PIGQ: variants seen among roughly 807,000 people sequenced by gnomAD.
PIGQ encodes the protein phosphatidylinositol N-acetylglucosaminyltransferase subunit Q.
A neutral mutation model predicts 60.3 loss-of-function variants in PIGQ; 54 were observed. The observed-to-expected ratio is 0.90, with a 90% CI of 0.72 to 1.12. The LOEUF (loss-of-function observed/expected upper bound fraction) is 1.12, where lower values mean the gene tolerates loss of function less well. PIGQ is among the 50% of genes most tolerant of loss of function. The probability of loss-of-function intolerance (pLI) is 0.00; values close to 1 mark genes in which losing one functional copy is unlikely to be tolerated. For missense variants in PIGQ, 799 were observed against 793.5 expected (o/e 1.01, Z -0.08); for synonymous variants, 416 against 363.7 (o/e 1.14, Z -1.64).
rs993452974 is a variant in PIGQ, at chr16:583,981, A to G, written c.*946A>G. The G allele has an allele frequency of 5.1e-6, 2 of 394,166 alleles. No individual in the cohort carries two copies. The highest frequency in any genetic ancestry group is 2.1e-5 in the South Asian group (1 of 47,236). The allele number at this position is 394,166 out of a possible 1,614,324, so 24.4% of individuals were successfully genotyped here. A position where few individuals can be genotyped will look rare whatever the true frequency, so the allele number is the denominator to read the frequency against. On this transcript the variant is annotated 3_prime_UTR_variant, in exon 11 of 11. Coordinates refer to ENST00000321878, the MANE Select transcript of PIGQ (RefSeq NM_004204.5). The stretch of plus-strand genomic sequence containing the variant: ...CCTGCAGGTGCCGGCTGGTGAGGGG[A>G]TGACGCGCTGTGGGTGGGAGGAGGC...
At chr16:577,542 A>G (rs2035740771) in intron 4 of PIGQ, among the ~76,000 whole-genome samples, 1 of 147,976 alleles carries the variant, frequency 6.8e-6, no homozygotes. Flanking sequence ...TCACCACTGC[A>G]CTCCAGCCTG....
In PIGQ at chr16:576,137, G is replaced by C. The variant is rs1214102047; in HGVS notation, c.825G>C (p.Lys275Asn). The change falls in exon 4 of 11, where the codon AAG becomes AAC. Residue 275 changes from lysine (K) to asparagine (N), a missense_variant. Coordinates refer to ENST00000321878, the MANE Select transcript of PIGQ (RefSeq NM_004204.5). ...CCGGGCCGGACCTCCCTTCCAGGAA[G>C]GCCAACACGGTGGCCTCTGTGCTGC... ...KAENPAQLMR[K>N]ANTVASVLLD... 6.5e-7 allele frequency: 1 copy of C among 1,548,300 alleles called. No individual in the cohort carries two copies. The highest frequency in any genetic ancestry group is 2.0e-5 in the Admixed American group (1 of 50,998).
chr16:574,890 G>A, intron 2 of PIGQ, 127 bp downstream of exon 2: 1 of 733,894 alleles, frequency 1.4e-6, no homozygotes, highest in East Asian at 2.7e-5. Context: ...TCCCACTCCT[G>A]CAGCCCGGGC....
rs560660423 is a variant in PIGQ, at chr16:573,921, C to T, written c.-9-145C>T. 164 of 615,052 alleles carry T rather than the reference C, an allele frequency of 2.7e-4. No homozygotes were observed. In the African/African-American group the frequency reaches 2.7e-3, roughly 10 times the overall value. 38.1% of individuals were successfully genotyped at this position (615,052 alleles called of 1,614,324 possible). A position where few individuals can be genotyped will look rare whatever the true frequency, so the allele number is the denominator to read the frequency against. On this transcript the variant is annotated intron_variant, in intron 1 of 10. Transcript: ENST00000321878. ...GCGAGGCGGCAGCCAAGGAGCCCTA[C>T]GGCGTCCACCACCGAACTTGAAGCT...
Position 576,269 on chromosome 16 carries a change from G to T in PIGQ, c.942+15G>T, listed in dbSNP as rs1421532572. 4 of 1,552,376 alleles carry T rather than the reference G, an allele frequency of 2.6e-6. No individual in the cohort carries two copies. Among genetic ancestry groups the T allele is most frequent in the Non-Finnish European group, 2.6e-6 (3 of 1,148,782 alleles). On this transcript the variant is annotated intron_variant, in intron 4 of 10. Coordinates refer to ENST00000321878, the MANE Select transcript of PIGQ (RefSeq NM_004204.5). ...CTGTGGCTGACGTGAGTGGACTGGG[G>T]TGGAGCCCGGTGTCCCGGGTGGGCG...
At chr16:580,485 G>A (rs2035793665) in intron 8 of PIGQ, 2 of 553,148 alleles carry the variant, frequency 3.6e-6, no homozygotes, top group South Asian at 2.5e-5. Flanking sequence ...GCAGCTGGGT[G>A]CGTGGTGGAA....
chr16:577,399 AAT>A (rs1290948417), intron 4 of PIGQ, among the ~76,000 whole-genome samples: 55 of 151,820 alleles, frequency 3.6e-4, no homozygotes, highest in South Asian at 4.2e-4. Context: ...AACACAGTGA[AAT>A]CCCGTCTCTA....
chr16:576,249 G>C lies in PIGQ; in HGVS notation c.937G>C (p.Ala313Pro), dbSNP rs775325126. The change falls in exon 4 of 11, where the codon GCT becomes CCT. Residue 313 changes from alanine to proline, a missense_variant. Coordinates refer to ENST00000321878, the MANE Select transcript of PIGQ (RefSeq NM_004204.5). Reference sequence around the variant, plus strand: ...TCTGGCCGACGCCCTCGTTCCTGTGGCTGACGTGAGTGGACTGGGGTGGAG... The same window carrying C: ...TCTGGCCGACGCCCTCGTTCCTGTGCCTGACGTGAGTGGACTGGGGTGGAG... ...GHLADALVPV[A>P]DHVAEELQHL... is the part of the protein sequence containing the mutation. 1 of 1,555,050 alleles carries C rather than the reference G, an allele frequency of 6.4e-7. No individual in the cohort carries two copies. The highest frequency in any genetic ancestry group is 1.4e-5 in the African/African-American group (1 of 73,658).
chr16:574,708 A>G lies in PIGQ; in HGVS notation c.634A>G (p.Ile212Val). The change falls in exon 2 of 11, where the codon ATT (isoleucine) becomes GTT (valine). Residue 212 changes from isoleucine (I) to valine (V), a missense_variant. Physicochemically the swap from Ile to Val is conservative, Grantham distance 29. Transcript: ENST00000321878. ...GCTGGCCAGGCGAGCCTCGGGACCC[A>G]TTTGCCTGCTGTTGGCCAGCCTGCT... ...AELARRASGP[I>V]CLLLASLLSL... 6.3e-7 allele frequency: 1 copy of G among 1,596,286 alleles called. No individual in the cohort carries two copies. The highest frequency in any genetic ancestry group is 8.5e-7 in the Non-Finnish European group (1 of 1,174,810).
At chr16:571,820 G>A (rs1227104746) in intron 1 of PIGQ, among the ~76,000 whole-genome samples, 2 of 151,934 alleles carry the variant, frequency 1.3e-5, no homozygotes, top group Non-Finnish European at 2.9e-5. Context: ...CCCACAGTAC[G>A]TTGAGTTTTC....
rs771351668 is a variant in PIGQ at position 580,229 on chromosome 16, C to T, written c.1382C>T (p.Pro461Leu). 8.1e-6 allele frequency: 13 copies of T among 1,612,864 alleles called. No individual in the cohort carries two copies. Among genetic ancestry groups the T allele is most frequent in the Middle Eastern group, 1.6e-4 (1 of 6,078 alleles). The change falls in exon 8 of 11, where the codon CCT (proline) becomes CTT (leucine). Residue 461 changes from proline to leucine, a missense_variant. By Grantham distance (98) the Pro-to-Leu change is moderately conservative. Transcript: ENST00000321878. ...TTCACCATCCTGCTCTTCCTCCTGC[C>T]TACCACAGCCCTGTACTACCTGGTG... ...LLFTILLFLLPTTALYYLVFT... is the reference protein window; with the variant it reads ...LLFTILLFLLLTTALYYLVFT...
At chr16:577,387 C>T (rs549360759) in intron 4 of PIGQ, among the ~76,000 whole-genome samples, 2 of 151,650 alleles carry the variant, frequency 1.3e-5, no homozygotes, top group South Asian at 2.1e-4. Flanking sequence ...ACCATCCTGG[C>T]TAACACAGTG....
intron 9 of PIGQ, chr16:581,320 C>T (rs1030988024): frequency 7.9e-7 from 1 of 1,263,364 alleles, no homozygotes; most frequent in Non-Finnish European, 1.0e-6. Flanking sequence ...GCACTAGGAG[C>T]CAGCAGGGCG....
chr16:581,166 GGA>G, intron 9 of PIGQ, 194 bp downstream of exon 9: 3 of 1,455,256 alleles, frequency 2.1e-6, no homozygotes, highest in South Asian at 2.8e-5. Context: ...CCAGGGAGGT[GGA>G]GAGAGACTCA....
chr16:580,162 T>C (rs777220680), intron 7 of PIGQ, 21 bp from the exon 8 acceptor site: 54 of 1,597,890 alleles, frequency 3.4e-5, no homozygotes, highest in Non-Finnish European at 4.4e-5. Flanking sequence ...TGATGCCCGG[T>C]GTGCTGGCCC....
chr16:580,784 C>CAA, intron 8 of PIGQ, 74 bp from the exon 9 acceptor site: 1 of 774,888 alleles, frequency 1.3e-6, no homozygotes, highest in Non-Finnish European at 2.3e-6. Context: ...TTCATCGTGG[C>CAA]CCAGGATGGG....
chr16:575,639 CGT>C (rs769469009), intron 2 of PIGQ, among the ~76,000 whole-genome samples, 198 bp from the exon 3 acceptor site: 2 of 152,154 alleles, frequency 1.3e-5, no homozygotes, highest in Non-Finnish European at 2.9e-5. Context: ...GGCCAGGCTC[CGT>C]GTTAGTCACG....
intron 9 of PIGQ, 153 bp downstream of exon 9, chr16:581,125 T>C (rs1412863485): frequency 6.9e-7 from 1 of 1,442,014 alleles, no homozygotes; most frequent in East Asian, 2.5e-5. Context: ...CAGGGCCTCC[T>C]AGTCCCAGAG....
Position 574,408 on chromosome 16 carries a change from C to T in PIGQ, c.334C>T (p.Arg112Trp), listed in dbSNP as rs374015287. The change falls in exon 2 of 11, where the codon CGG (arginine) becomes TGG (tryptophan). Residue 112 changes from arginine (R) to tryptophan (W), a missense_variant. Arg to Trp is a moderately radical substitution (Grantham distance 101, BLOSUM62 -3). Transcript: ENST00000321878. ...GTFWSCEATH[R>W]QAPTAPGAPG... ...GTTCTGGAGCTGCGAGGCCACCCAC[C>T]GGCAAGCGCCCACTGCCCCCGGTGC... The T allele has an allele frequency of 2.2e-5, 36 of 1,610,518 alleles. No homozygotes were observed. Among genetic ancestry groups the T allele is most frequent in the Non-Finnish European group, 2.4e-5 (28 of 1,179,172 alleles).
Sources: gnomAD v4.1 joint callset for allele counts (sites outside exome capture counted in the v4.1 genomes callset) on GRCh38, gnomAD v4.1.1 for gene constraint, MANE v1.5 for transcripts, NCBI Gene and HGNC (gene_info 2026-07-23, HGNC 2026-07-21) for gene names.